Variants in HPS3 observed in about 807,000 individuals in gnomAD.
HPS3 encodes HPS3 biogenesis of lysosomal organelles complex 2 subunit 1.
A neutral mutation model predicts 110.9 loss-of-function variants in HPS3; 79 were observed. That is an observed-to-expected ratio of 0.71 (90% CI 0.59 to 0.86). The LOEUF (loss-of-function observed/expected upper bound fraction) is 0.86, where lower values mean the gene tolerates loss of function less well. Among genes scored for constraint, HPS3 ranks in the 40% least tolerant of loss-of-function variants. The probability of loss-of-function intolerance (pLI) is 0.00; values close to 1 mark genes in which losing one functional copy is unlikely to be tolerated. For synonymous variants in HPS3, 428 were observed against 451.0 expected, an observed-to-expected ratio of 0.95 and a Z score of 0.65; for missense variants, 1,197 against 1,206.2, an observed-to-expected ratio of 0.99 and a Z score of 0.11.
chr3:149,147,659 A>G (rs755467702), intron 5 of HPS3, among the ~76,000 whole-genome samples: 3 of 152,138 alleles, frequency 2.0e-5, no homozygotes, highest in Non-Finnish European at 2.9e-5. Flanking sequence ...AGTTATGTAC[A>G]TATTTGGAGT....
Position 149,150,662 on chromosome 3 carries a change from C to G in HPS3, c.1227C>G (p.Tyr409Ter). The G allele has an allele frequency of 6.2e-7, 1 of 1,613,636 alleles. No homozygotes were observed. The highest frequency in any genetic ancestry group is 1.1e-5 in the South Asian group (1 of 91,080). ...CGGCAGCTCGTGAGGAGGACCCGTA[C>G]ATGGACACCACCCTGAAGGTAAGAA... ...SAAAAREEDPYMDTTLKACPP... is the reference protein window; with the variant it reads ...SAAAAREEDP The change falls in exon 6 of 17, where the codon TAC becomes TAG. Residue 409 changes from tyrosine to a stop codon, truncating the protein, a stop_gained. Coordinates refer to ENST00000296051, the MANE Select transcript of HPS3 (RefSeq NM_032383.5). LOFTEE classifies it high-confidence loss of function.
At chr3:149,138,812 G>T (rs915083787) in intron 1 of HPS3, among the ~76,000 whole-genome samples, 3 of 152,170 alleles carry the variant, frequency 2.0e-5, no homozygotes, top group African/African-American at 7.2e-5. Context: ...TTATAAAAAG[G>T]TCTAGGAAAT....
chr3:149,156,943 T>C (rs1723494125), intron 8 of HPS3, among the ~76,000 whole-genome samples: 1 of 152,176 alleles, frequency 6.6e-6, no homozygotes, highest in Non-Finnish European at 1.5e-5. Context: ...CAATCAAAAC[T>C]AAAATAAGGG....
At chr3:149,132,833 A>G (rs1327257466) in intron 1 of HPS3, among the ~76,000 whole-genome samples, 1 of 152,242 alleles carries the variant, frequency 6.6e-6, no homozygotes, top group African/African-American at 2.4e-5. Flanking sequence ...TCAGATACCA[A>G]CATTAACAGG....
In HPS3 at chr3:149,155,146, T is replaced by C. The variant is rs773272665; in HGVS notation, c.1440T>C (p.Pro480=). The C allele has an allele frequency of 7.5e-6, 12 of 1,610,554 alleles. No homozygotes were observed. The highest frequency in any genetic ancestry group is 1.7e-4 in the Middle Eastern group (1 of 6,056). The part of the protein sequence containing the change: ...KDTSVKIKIP[P]VAEAGWNLYI... ...CCAGTGTTAAAATCAAAATACCTCC[T>C]GTAGCTGAGGCTGGGTGGAATTTGT... is the stretch of plus-strand genomic sequence containing the variant. The change falls in exon 8 of 17, where the codon CCT becomes CCC. Residue 480 remains proline, a synonymous_variant. Coordinates refer to ENST00000296051, the MANE Select transcript of HPS3 (RefSeq NM_032383.5).
Position 149,160,147 on chromosome 3 carries a change from T to A in HPS3, c.1974T>A (p.Thr658=). ...CTATGAAGAATATTAATCCTTTAAC[T>A]GCCATGAGCTATCTAAGGAAGCTGG... ...SPSMKNINPL[T]AMSYLRKLDT... is the part of the protein sequence containing the mutation. Residue 658 remains threonine, a synonymous_variant, in exon 11 of 17, where the codon ACT becomes ACA. Coordinates refer to ENST00000296051, the MANE Select transcript of HPS3 (RefSeq NM_032383.5). The A allele has an allele frequency of 6.2e-7, 1 of 1,613,800 alleles. No homozygotes were observed. Among genetic ancestry groups the A allele is most frequent in the Non-Finnish European group, 8.5e-7 (1 of 1,179,712 alleles).
At position 149,145,542 on chromosome 3, in the gene HPS3, A is replaced by T. The variant is rs771171459; in HGVS notation, c.1159A>T (p.Thr387Ser). The T allele has an allele frequency of 1.2e-6, 2 of 1,613,426 alleles. No individual in the cohort carries two copies. The highest frequency in any genetic ancestry group is 2.7e-5 in the African/African-American group (2 of 74,906). The change falls in exon 5 of 17, where the codon ACA becomes TCA. Residue 387 changes from threonine to serine, a missense_variant. Transcript: ENST00000296051. ...CACGCCACAATTTTTGCACGTCATT[A>T]CAAGGTACTGTTAGAGGGTCACTTG... The part of the protein sequence containing the change: ...VLTPQFLHVI[T>S]SNNLQCFTVR...
At chr3:149,144,937 C>T (rs1050473793) in intron 4 of HPS3, among the ~76,000 whole-genome samples, 1 of 152,044 alleles carries the variant, frequency 6.6e-6, no homozygotes, top group African/African-American at 2.4e-5. Context: ...TTACTTGTTT[C>T]TTTTTACTTT....
At chr3:149,139,184 C>T (rs1272445755) in intron 1 of HPS3, among the ~76,000 whole-genome samples, 1 of 152,060 alleles carries the variant, frequency 6.6e-6, no homozygotes, top group Non-Finnish European at 1.5e-5. Context: ...GGATGTTGAA[C>T]ATATTGAAAA....
In HPS3 at chr3:149,153,577, C is replaced by A. The variant is rs910718077; in HGVS notation, c.1329C>A (p.Asn443Lys). ...IGLKAICHFK[N>K]HIILLTKAEP... ...TGAAAGCCATCTGTCACTTTAAAAA[C>A]CACATCATACTTTTGACTAAAGCAG... Residue 443 changes from asparagine to lysine, a missense_variant, in exon 7 of 17, where the codon AAC becomes AAA. Physicochemically the swap from Asn to Lys is moderately conservative, Grantham distance 94. Coordinates refer to ENST00000296051, the MANE Select transcript of HPS3 (RefSeq NM_032383.5). 1.2e-6 allele frequency: 2 copies of A among 1,613,954 alleles called. No homozygotes were observed. The highest frequency in any genetic ancestry group is 2.7e-5 in the African/African-American group (2 of 74,920).
chr3:149,144,650 C>A (rs1041575288), intron 4 of HPS3, among the ~76,000 whole-genome samples: 3 of 152,082 alleles, frequency 2.0e-5, no homozygotes, highest in African/African-American at 4.8e-5. Flanking sequence ...TAAGTGAATC[C>A]TTACGTGTCA....
intron 15 of HPS3, 122 bp from the exon 16 acceptor site, chr3:149,167,771 G>A (rs1724573022): frequency 1.4e-6 from 1 of 708,446 alleles, no homozygotes; most frequent in Non-Finnish European, 2.6e-6. Flanking sequence ...AACAAAGTTA[G>A]CTGCCTTAGA....
intron 11 of HPS3, among the ~76,000 whole-genome samples, chr3:149,160,555 C>A (rs1275853869): frequency 6.6e-6 from 1 of 152,148 alleles, no homozygotes. Flanking sequence ...AGGCTCTGCT[C>A]CGAGGGGACG....
Position 149,158,265 on chromosome 3 carries a change from A to G in HPS3, c.1692-401A>G, listed in dbSNP as rs527631617. ...AATAAAACAGACTTTTCCTCCTATA[A>G]ACACCATTATTTTAGAGTCCGATCA... On this transcript the variant is annotated intron_variant, in intron 9 of 16. Coordinates refer to ENST00000296051, the MANE Select transcript of HPS3 (RefSeq NM_032383.5). Among the ~76,000 whole-genome samples, 10 of 152,288 alleles carry G rather than the reference A, an allele frequency of 6.6e-5. No homozygotes were observed. In the South Asian group the frequency reaches 2.1e-3, roughly 32 times the overall value.
At chr3:149,132,273 A>G (rs1721827397) in intron 1 of HPS3, among the ~76,000 whole-genome samples, 1 of 152,218 alleles carries the variant, frequency 6.6e-6, no homozygotes. Context: ...GCTAGAGAGG[A>G]GAAGATAATG....
intron 5 of HPS3, among the ~76,000 whole-genome samples, chr3:149,148,231 G>A (rs1444912528): frequency 6.6e-6 from 1 of 151,940 alleles, no homozygotes; most frequent in Non-Finnish European, 1.5e-5. Flanking sequence ...CCATAAGGTG[G>A]TCTTGAAAAG....
intron 16 of HPS3, among the ~76,000 whole-genome samples, chr3:149,171,019 C>A (rs1724928108): frequency 6.6e-6 from 1 of 152,120 alleles, no homozygotes; most frequent in Admixed American, 6.5e-5. Flanking sequence ...GTGGCTCACG[C>A]CGGTAATCCC....
intron 5 of HPS3, among the ~76,000 whole-genome samples, chr3:149,148,716 T>A (rs2681078): frequency 6.6e-6 from 1 of 151,462 alleles, no homozygotes; most frequent in South Asian, 2.1e-4. Flanking sequence ...TTTTTTTTTT[T>A]TTGTTGTTGT....
At chr3:149,141,869 A>G (rs1722498072) in intron 4 of HPS3, among the ~76,000 whole-genome samples, 2 of 145,530 alleles carry the variant, frequency 1.4e-5, no homozygotes, top group Non-Finnish European at 1.5e-5. Flanking sequence ...TTTTTTCTTG[A>G]GACAGAGTTT....
Sources: gnomAD v4.1 joint callset for allele counts (sites outside exome capture counted in the v4.1 genomes callset) on GRCh38, gnomAD v4.1.1 for gene constraint, MANE v1.5 for transcripts, NCBI Gene and HGNC (gene_info 2026-07-23, HGNC 2026-07-21) for gene names.